The following CBLN2 variants were observed in gnomAD, a reference collection of about 807,000 sequenced individuals.
CBLN2 encodes the protein cerebellin-2.
CBLN2 carries 7 observed loss-of-function variants against 15.0 expected under a neutral mutation model. That is an observed-to-expected ratio of 0.47 (90% CI 0.27 to 0.88). The LOEUF (loss-of-function observed/expected upper bound fraction) is 0.88. Among genes scored for constraint, CBLN2 ranks in the 40% least tolerant of loss-of-function variants. CBLN2 has a pLI of 0.14. For synonymous variants in CBLN2, 149 were observed against 135.2 expected, an observed-to-expected ratio of 1.10 and a Z score of -0.71; for missense variants, 242 against 304.5, an observed-to-expected ratio of 0.79 and a Z score of 1.53.
intron 1 of CBLN2, among the ~76,000 whole-genome samples, chr18:72,624,472 T>C (rs2069721794): frequency 1.3e-5 from 2 of 152,080 alleles, no homozygotes; most frequent in South Asian, 4.1e-4. Context: ...AAACCCCATC[T>C]CTACTAAAAA....
chr18:72,623,379 G>T (rs1190098376), intron 1 of CBLN2, among the ~76,000 whole-genome samples: 1 of 152,130 alleles, frequency 6.6e-6, no homozygotes, highest in Non-Finnish European at 1.5e-5. Context: ...TTCCCAAACT[G>T]ACAATCCTTA....
rs1038068488 is a variant in CBLN2 at position 72,537,353 on chromosome 18, C to G, written c.*823G>C. ...ATTGTGTTACTTTTACTTTGATAAA[C>G]AGATACTTTTTGTTTAGTTTGGTCT... On this transcript the variant is annotated 3_prime_UTR_variant, in exon 5 of 5. Coordinates refer to ENST00000269503, the MANE Select transcript of CBLN2 (RefSeq NM_182511.4). 1.3e-5 allele frequency: 2 copies of G among 152,152 alleles called. No individual in the cohort carries two copies. 9.4% of individuals were successfully genotyped at this position (152,152 alleles called of 1,614,324 possible).
chr18:72,577,340 A>G (rs1278743363), intron 1 of CBLN2, among the ~76,000 whole-genome samples: 1 of 152,222 alleles, frequency 6.6e-6, no homozygotes, highest in East Asian at 1.9e-4. Flanking sequence ...TAAAACGAAT[A>G]GATGAGGAGA....
intron 1 of CBLN2, among the ~76,000 whole-genome samples, chr18:72,605,881 AG>A (rs1287750367): frequency 6.6e-6 from 1 of 152,250 alleles, no homozygotes; most frequent in Non-Finnish European, 1.5e-5. Context: ...GTGCACACAC[AG>A]AATAATTTGT....
At chr18:72,626,690 ACT>A (rs1409481661) in intron 1 of CBLN2, among the ~76,000 whole-genome samples, 2 of 152,036 alleles carry the variant, frequency 1.3e-5, no homozygotes, top group East Asian at 1.9e-4. Context: ...ACAGAGTGAG[ACT>A]CTGCCTCAAA....
At chr18:72,576,933 T>TTA (rs929136221) in intron 1 of CBLN2, among the ~76,000 whole-genome samples, 5 of 147,966 alleles carry the variant, frequency 3.4e-5, no homozygotes, top group Middle Eastern at 3.6e-3. Flanking sequence ...TTCTAGAATT[T>TTA]TATATATATA....
chr18:72,538,987 G>C, intron 3 of CBLN2: 1 of 515,208 alleles, frequency 1.9e-6, no homozygotes, highest in Non-Finnish European at 3.4e-6. Context: ...TTAATAAATT[G>C]TAACTAATCA....
intron 1 of CBLN2, among the ~76,000 whole-genome samples, chr18:72,569,833 AC>A (rs2069319602): frequency 6.6e-6 from 1 of 152,212 alleles, no homozygotes; most frequent in Admixed American, 6.5e-5. Context: ...CCCACCTCCA[AC>A]ACATCCAACA....
chr18:72,635,067 T>G (rs2069803294), intron 1 of CBLN2, among the ~76,000 whole-genome samples: 1 of 152,116 alleles, frequency 6.6e-6, no homozygotes, highest in African/African-American at 2.4e-5. Context: ...CTCATATTTT[T>G]CTGCACAGAG....
intron 1 of CBLN2, among the ~76,000 whole-genome samples, chr18:72,604,854 T>G (rs1206964851): frequency 6.6e-6 from 1 of 152,210 alleles, no homozygotes; most frequent in Non-Finnish European, 1.5e-5. Context: ...CCTTGTAAAT[T>G]ACCTATGTTG....
At chr18:72,592,117 G>A (rs142739406) in intron 1 of CBLN2, among the ~76,000 whole-genome samples, 1 of 152,128 alleles carries the variant, frequency 6.6e-6, no homozygotes, top group Non-Finnish European at 1.5e-5. Flanking sequence ...ATTCTGACAA[G>A]TAGTGTACAA....
At chr18:72,609,861 C>T (rs79665997) in intron 1 of CBLN2, among the ~76,000 whole-genome samples, 2,224 of 152,288 alleles carry the variant, frequency 0.015, 27 homozygotes, top group Middle Eastern at 0.065. Flanking sequence ...CTTCCTACTT[C>T]ATGCCATTGG....
chr18:72,558,141 A>C (rs964774643), intron 1 of CBLN2, among the ~76,000 whole-genome samples: 6 of 152,210 alleles, frequency 3.9e-5, no homozygotes, highest in African/African-American at 1.4e-4. Flanking sequence ...GAGAGGATCT[A>C]TGCTGACCAT....
chr18:72,613,041 G>A (rs764331109), intron 1 of CBLN2, among the ~76,000 whole-genome samples: 13 of 152,144 alleles, frequency 8.5e-5, no homozygotes, highest in Non-Finnish European at 1.8e-4. Flanking sequence ...TTGTTTTGGG[G>A]AAGCATCACC....
intron 1 of CBLN2, among the ~76,000 whole-genome samples, chr18:72,594,872 T>C (rs1215268820): frequency 1.3e-5 from 2 of 152,180 alleles, no homozygotes; most frequent in Non-Finnish European, 1.5e-5. Flanking sequence ...TCAGTTGTAA[T>C]GTCTCCTTTA....
At chr18:72,614,982 T>C (rs1346839666) in intron 1 of CBLN2, among the ~76,000 whole-genome samples, 1 of 146,918 alleles carries the variant, frequency 6.8e-6, no homozygotes, top group East Asian at 2.0e-4. Flanking sequence ...ATGCTGACTA[T>C]ACACATAACA....
Position 72,573,356 on chromosome 18 carries a change from A to G in CBLN2, c.16-34584T>C, listed in dbSNP as rs139407319. On this transcript the variant is annotated intron_variant, in intron 1 of 2. Transcript: ENST00000581073. ...TCTGACATCCAATTAAAAGGGAATT[A>G]TTAAATAAAACAGTAGGAGTGTCAC... Among the ~76,000 whole-genome samples, 535 of 152,346 alleles carry G rather than the reference A, an allele frequency of 3.5e-3. 7 individuals are homozygous for G. Among genetic ancestry groups the G allele is most frequent in the African/African-American group, 0.013 (520 of 41,580 alleles).
chr18:72,610,489 T>C (rs1420819514), intron 1 of CBLN2, among the ~76,000 whole-genome samples: 1 of 152,202 alleles, frequency 6.6e-6, no homozygotes, highest in African/African-American at 2.4e-5. Context: ...ACACCAAATA[T>C]CTATATATCT....
chr18:72,630,140 T>C (rs1438120823), intron 1 of CBLN2, among the ~76,000 whole-genome samples: 1 of 152,170 alleles, frequency 6.6e-6, no homozygotes, highest in Non-Finnish European at 1.5e-5. Flanking sequence ...CCTATAAAAC[T>C]GTCAATCCCC....
Sources: gnomAD v4.1 joint callset for allele counts (sites outside exome capture counted in the v4.1 genomes callset) on GRCh38, gnomAD v4.1.1 for gene constraint, MANE v1.5 for transcripts, NCBI Gene and HGNC (gene_info 2026-07-23, HGNC 2026-07-21) for gene names.